The following DIP2C variants were observed in gnomAD, a reference collection of about 807,000 sequenced individuals.
DIP2C encodes the protein disco-interacting protein 2 homolog C.
DIP2C carries 33 observed loss-of-function variants against 192.4 expected under a neutral mutation model. The observed-to-expected ratio is 0.17, with a 90% confidence interval of 0.13 to 0.23. The LOEUF (loss-of-function observed/expected upper bound fraction) is 0.23, where lower values mean the gene tolerates loss of function less well. Ranked by LOEUF, DIP2C falls within the 10% of genes least tolerant of loss-of-function variation. The pLI is 1.00. For missense variants in DIP2C, 1,537 were observed against 2,110.1 expected (o/e 0.73, Z 5.32); for synonymous variants, 979 against 864.1 (o/e 1.13, Z -2.33).
intron 1 of DIP2C, among the ~76,000 whole-genome samples, chr10:506,393 G>C (rs566867040): frequency 1.3e-5 from 2 of 152,138 alleles, no homozygotes; most frequent in African/African-American, 4.8e-5. Context: ...CCAAGGCCTG[G>C]GGAGAGGCAG....
rs940098374 is a variant in DIP2C, at chr10:367,773, C to T, written c.2132-1362G>A. 5.9e-5 allele frequency among the ~76,000 whole-genome samples: 9 copies of T among 152,354 alleles called. No individual in the cohort carries two copies. The East Asian group carries it at 7.7e-4, about 13-fold the overall frequency. ...TGAGAACACCGCGGAGCTCGTTACGCGCTGACAAAGGACCCTCAGGATAAA... is the reference window on the plus strand; with the variant it reads ...TGAGAACACCGCGGAGCTCGTTACGTGCTGACAAAGGACCCTCAGGATAAA... On this transcript the variant is annotated intron_variant, in intron 18 of 36. Transcript: ENST00000280886.
intron 3 of DIP2C, among the ~76,000 whole-genome samples, chr10:464,022 G>A (rs111648280): frequency 6.6e-6 from 1 of 152,122 alleles, no homozygotes; most frequent in African/African-American, 2.4e-5. Context: ...TTAAACGTAA[G>A]ACGTAAAACC....
At chr10:537,336 ACT>A (rs1281758232) in intron 1 of DIP2C, among the ~76,000 whole-genome samples, 1 of 152,062 alleles carries the variant, frequency 6.6e-6, no homozygotes, top group African/African-American at 2.4e-5. Context: ...GAGCAAGTGC[ACT>A]CTCTCCACTG....
chr10:560,950 TC>T (rs910964353), intron 1 of DIP2C, among the ~76,000 whole-genome samples: 4 of 152,128 alleles, frequency 2.6e-5, no homozygotes, highest in African/African-American at 9.7e-5. Flanking sequence ...AGCCTTGGTC[TC>T]CACACAACCC....
At chr10:522,391 C>T (rs1292685547) in intron 1 of DIP2C, among the ~76,000 whole-genome samples, 2 of 152,238 alleles carry the variant, frequency 1.3e-5, no homozygotes, top group African/African-American at 2.4e-5. Context: ...CATCTGTGTG[C>T]AGATTTCCGC....
chr10:598,193 G>T (rs1031795576), intron 1 of DIP2C, among the ~76,000 whole-genome samples: 5 of 152,138 alleles, frequency 3.3e-5, no homozygotes, highest in African/African-American at 1.2e-4. Context: ...GGAGGCCAAG[G>T]CCGGCACCGG....
rs555835636 is a variant in DIP2C at position 482,342 on chromosome 10, C to A, written c.157+4117G>T. ...CAGACAGTGTAGAGCTTAACTCACA[C>A]TGACCATGGGAGGCCTCTTCCTGGA... On this transcript the variant is annotated intron_variant, in intron 2 of 36. Transcript: ENST00000280886. Among the ~76,000 whole-genome samples the A allele has an allele frequency of 8.5e-5, 13 of 152,284 alleles. No homozygotes were observed. In the South Asian group the frequency reaches 1.7e-3, roughly 19 times the overall value.
intron 10 of DIP2C, among the ~76,000 whole-genome samples, chr10:396,554 C>T (rs1232799669): frequency 2.0e-5 from 3 of 152,240 alleles, no homozygotes; most frequent in Non-Finnish European, 4.4e-5. Flanking sequence ...ATCATCATTT[C>T]ACTGTCGCTT....
intron 31 of DIP2C, among the ~76,000 whole-genome samples, chr10:311,738 C>T (rs1177326322): frequency 6.6e-6 from 1 of 152,092 alleles, no homozygotes; most frequent in African/African-American, 2.4e-5. Context: ...AAAAGAAGAT[C>T]AAAAACAACA....
At chr10:396,189 T>TAA (rs1489465044) in intron 10 of DIP2C, among the ~76,000 whole-genome samples, 1 of 152,338 alleles carries the variant, frequency 6.6e-6, no homozygotes, top group African/African-American at 2.4e-5. Context: ...CAAAGGTACT[T>TAA]AATTCATTAT....
chr10:287,785 C>T (rs1034517871), intron 33 of DIP2C, among the ~76,000 whole-genome samples: 1 of 152,028 alleles, frequency 6.6e-6, no homozygotes, highest in African/African-American at 2.4e-5. Flanking sequence ...CCCACTGTGG[C>T]AGAAACTACT....
At chr10:437,066 G>A (rs113310641) in intron 4 of DIP2C, among the ~76,000 whole-genome samples, 74 of 102,694 alleles carry the variant, frequency 7.2e-4, no homozygotes, top group South Asian at 2.2e-3. Flanking sequence ...GATATGCTCC[G>A]CCCACACCTG....
intron 20 of DIP2C, 48 bp downstream of exon 20, chr10:364,326 A>C (rs773555734): frequency 3.2e-6 from 5 of 1,574,894 alleles, no homozygotes; most frequent in Non-Finnish European, 4.3e-6. Context: ...CACATAAAAA[A>C]TATGGCCGAC....
At chr10:367,952 C>T (rs1404538615) in intron 18 of DIP2C, among the ~76,000 whole-genome samples, 1 of 136,856 alleles carries the variant, frequency 7.3e-6, no homozygotes, top group Non-Finnish European at 1.6e-5. Flanking sequence ...CTCACTGCCG[C>T]ACAGCCCCAG....
At chr10:312,302 C>T (rs1317208564) in intron 31 of DIP2C, among the ~76,000 whole-genome samples, 1 of 152,218 alleles carries the variant, frequency 6.6e-6, no homozygotes, top group African/African-American at 2.4e-5. Flanking sequence ...CAGAAATCAA[C>T]TTGGGCAAGC....
intron 4 of DIP2C, among the ~76,000 whole-genome samples, chr10:424,006 G>T (rs918029693): frequency 6.6e-6 from 1 of 152,094 alleles, no homozygotes; most frequent in Admixed American, 6.6e-5. Flanking sequence ...TAATTTATGA[G>T]AATATTTTTC....
At chr10:289,973 C>A (rs142743928) in intron 32 of DIP2C, among the ~76,000 whole-genome samples, 418 of 152,348 alleles carry the variant, frequency 2.7e-3, no homozygotes, top group Middle Eastern at 0.024. Context: ...ATTCCTCCCC[C>A]CAGCCTGCTG....
chr10:445,173 G>A (rs753899283), intron 3 of DIP2C, among the ~76,000 whole-genome samples: 1 of 152,212 alleles, frequency 6.6e-6, no homozygotes, highest in Non-Finnish European at 1.5e-5. Flanking sequence ...TGGGACCACT[G>A]GGCATCTGTA....
intron 1 of DIP2C, among the ~76,000 whole-genome samples, chr10:606,608 G>C (rs988430245): frequency 2.0e-5 from 3 of 151,960 alleles, no homozygotes; most frequent in Non-Finnish European, 4.4e-5. Context: ...GCTGTGATCC[G>C]AATTCTCATT....
Sources: allele counts gnomAD v4.1 joint callset (sites outside exome capture counted in the v4.1 genomes callset), GRCh38; gene constraint gnomAD v4.1.1; transcripts MANE v1.5; gene names NCBI Gene and HGNC (gene_info 2026-07-23, HGNC 2026-07-21).